Variants in UNC13C observed in about 807,000 individuals in gnomAD.
UNC13C encodes protein unc-13 homolog C.
UNC13C carries 174 observed loss-of-function variants against 245.4 expected under a neutral mutation model. The ratio of observed to expected loss-of-function variants is 0.71; its 90% CI spans 0.63 to 0.80. The LOEUF (loss-of-function observed/expected upper bound fraction) is 0.80. Ranked by LOEUF, UNC13C falls within the 30% of genes least tolerant of loss-of-function variation. The pLI is 0.00. For missense variants in UNC13C, 2,829 were observed against 2,602.9 expected (o/e 1.09, Z -1.89); for synonymous variants, 992 against 895.1 (o/e 1.11, Z -1.93).
At chr15:54,332,305 CTGTGTGTGTGTGTG>C (rs34179914) in intron 15 of UNC13C, among the ~76,000 whole-genome samples, 194 bp downstream of exon 15, 2 of 145,584 alleles carry the variant, frequency 1.4e-5, no homozygotes, top group East Asian at 2.0e-4. Context: ...CAACAATACT[CTGTGTGTGTGTGTG>C]TGTGTGTGTG....
the UNC13C span, among the ~76,000 whole-genome samples, chr15:53,860,264 T>C: frequency 2.3e-5 from 1 of 44,076 alleles, no homozygotes; most frequent in African/African-American, 6.5e-5. Context: ...ATAACTCACA[T>C]GATATCATTT....
intron 10 of UNC13C, among the ~76,000 whole-genome samples, chr15:54,293,349 C>G (rs74675554): frequency 0.025 from 3,767 of 152,064 alleles, 82 homozygotes; most frequent in East Asian, 0.074. Flanking sequence ...TAACGATGGA[C>G]TAGAATGCAC....
At chr15:54,488,552 T>C (rs1338590398) in intron 19 of UNC13C, among the ~76,000 whole-genome samples, 1 of 152,176 alleles carries the variant, frequency 6.6e-6, no homozygotes, top group African/African-American at 2.4e-5. Flanking sequence ...GTCAAGAATA[T>C]ACCATTCCTA....
Position 54,628,075 on chromosome 15 carries a change from G to A in UNC13C, c.*962G>A, listed in dbSNP as rs1170680555. The A allele has an allele frequency of 6.6e-6, 1 of 151,720 alleles. No individual in the cohort carries two copies. The highest frequency in any genetic ancestry group is 1.5e-5 in the Non-Finnish European group (1 of 67,992). The allele number at this position is 151,720 out of a possible 1,614,324, so 9.4% of individuals were successfully genotyped here. On this transcript the variant is annotated 3_prime_UTR_variant, in exon 33 of 33. Transcript: ENST00000260323. ...AAAGTCATGTTTTCATCCACTTAGTGAAAAAATAGTAAAATTAAGTCGGAA... is the reference window on the plus strand; with the variant it reads ...AAAGTCATGTTTTCATCCACTTAGTAAAAAAATAGTAAAATTAAGTCGGAA...
the UNC13C span, chr15:53,947,719 T>C: frequency 6.6e-6 from 1 of 152,354 alleles, no homozygotes; most frequent in East Asian, 1.9e-4. Flanking sequence ...GAGGCTCTCA[T>C]TGAATTTCTA....
chr15:54,592,417 T>G (rs1446698530), intron 30 of UNC13C, among the ~76,000 whole-genome samples: 1 of 152,194 alleles, frequency 6.6e-6, no homozygotes, highest in East Asian at 1.9e-4. Flanking sequence ...ACTATTATTG[T>G]GTTGCTGTCT....
At chr15:54,104,388 A>G (rs891453639) in intron 2 of UNC13C, among the ~76,000 whole-genome samples, 1 of 152,080 alleles carries the variant, frequency 6.6e-6, no homozygotes, top group Non-Finnish European at 1.5e-5. Context: ...TTAAAAAAAT[A>G]TATTCTTAGA....
At chr15:54,365,269 GTAT>G (rs2039338546) in intron 17 of UNC13C, among the ~76,000 whole-genome samples, 3 of 152,024 alleles carry the variant, frequency 2.0e-5, no homozygotes, top group Admixed American at 1.3e-4. Context: ...TGGAGGCTAA[GTAT>G]TTTGTATCCA....
intron 23 of UNC13C, among the ~76,000 whole-genome samples, chr15:54,510,726 C>G (rs1197374204): frequency 6.6e-6 from 1 of 152,080 alleles, no homozygotes; most frequent in African/African-American, 2.4e-5. Context: ...TCCCTTGAGT[C>G]CTTTGCATGA....
chr15:54,321,247 C>T (rs1469704207), intron 13 of UNC13C: 2 of 482,910 alleles, frequency 4.1e-6, no homozygotes, highest in Non-Finnish European at 8.1e-6. Flanking sequence ...AGCAAGACCC[C>T]TTTTCTTGCC....
chr15:54,122,189 T>C (rs1350566652), intron 2 of UNC13C, among the ~76,000 whole-genome samples: 1 of 151,956 alleles, frequency 6.6e-6, no homozygotes, highest in South Asian at 2.1e-4. Context: ...GTAGAAATGA[T>C]AACAGTCCTA....
At chr15:54,555,730 CCTGT>C (rs763040590) in intron 29 of UNC13C, among the ~76,000 whole-genome samples, 46 of 151,978 alleles carry the variant, frequency 3.0e-4, no homozygotes, top group Non-Finnish European at 6.0e-4. Flanking sequence ...CAGATTTACC[CCTGT>C]CTATCTCCTT....
At chr15:54,053,338 T>C (rs2141058626) in intron 2 of UNC13C, among the ~76,000 whole-genome samples, 1 of 152,284 alleles carries the variant, frequency 6.6e-6, no homozygotes, top group African/African-American at 2.4e-5. Flanking sequence ...AGCCTAAATT[T>C]TCTTATTCTT....
chr15:54,210,130 G>A (rs4564519), intron 4 of UNC13C, among the ~76,000 whole-genome samples: 116,759 of 150,386 alleles, frequency 0.78, 45,515 homozygotes, highest in African/African-American at 0.8. Flanking sequence ...AATCTCGTAT[G>A]CTACCTGACA....
intron 29 of UNC13C, among the ~76,000 whole-genome samples, chr15:54,558,241 T>G (rs1278056424): frequency 3.9e-5 from 6 of 152,126 alleles, no homozygotes; most frequent in Admixed American, 3.9e-4. Context: ...ACCCTAAAAC[T>G]TAAAGTATAA....
chr15:54,261,870 A>AT (rs747793727), intron 8 of UNC13C, among the ~76,000 whole-genome samples: 37 of 152,076 alleles, frequency 2.4e-4, no homozygotes, highest in Admixed American at 1.5e-3. Context: ...AAAGCTACAT[A>AT]TTTTTTTTCT....
chr15:54,479,755 A>C (rs1015577996), intron 19 of UNC13C, among the ~76,000 whole-genome samples: 1 of 151,234 alleles, frequency 6.6e-6, no homozygotes, highest in Non-Finnish European at 1.5e-5. Context: ...AGTAAATTTT[A>C]TACTTTTTTG....
At chr15:54,609,306 T>C (rs147950344) in intron 30 of UNC13C, 6 of 152,332 alleles carry the variant, frequency 3.9e-5, no homozygotes, top group East Asian at 1.9e-4. Flanking sequence ...CATCTACCCA[T>C]TGATGTGCAT....
At chr15:54,200,446 A>G (rs2034486772) in intron 4 of UNC13C, among the ~76,000 whole-genome samples, 1 of 152,102 alleles carries the variant, frequency 6.6e-6, no homozygotes, top group African/African-American at 2.4e-5. Context: ...AACAAGTCTC[A>G]GTACATTTAA....
Sources: allele counts gnomAD v4.1 joint callset (sites outside exome capture counted in the v4.1 genomes callset), GRCh38; gene constraint gnomAD v4.1.1; transcripts MANE v1.5; gene names NCBI Gene and HGNC (gene_info 2026-07-23, HGNC 2026-07-21).